TSPAN5: variants seen among roughly 807,000 people sequenced by gnomAD.
TSPAN5 encodes tetraspanin-5.
A neutral mutation model predicts 37.1 loss-of-function variants in TSPAN5; 10 were observed. That is an observed-to-expected ratio of 0.27 (90% CI 0.17 to 0.46). TSPAN5 has a LOEUF of 0.46. Among genes scored for constraint, TSPAN5 ranks in the 20% least tolerant of loss-of-function variants. The pLI is 1.00. For synonymous variants in TSPAN5, 110 were observed against 118.9 expected (o/e 0.93, Z 0.48); for missense variants, 195 against 326.6 (o/e 0.60, Z 3.11).
At chr4:98,504,202 A>C (rs10023791) in intron 2 of TSPAN5, among the ~76,000 whole-genome samples, 1 of 151,948 alleles carries the variant, frequency 6.6e-6, no homozygotes, top group Admixed American at 6.5e-5. Context: ...GCTATGATCC[A>C]GTTTGGGGAT....
intron 1 of TSPAN5, among the ~76,000 whole-genome samples, chr4:98,584,761 C>T (rs576911914): frequency 1.3e-5 from 2 of 152,244 alleles, no homozygotes; most frequent in East Asian, 3.9e-4. Flanking sequence ...AGGCCTATCG[C>T]CACTGCAAAG....
intron 1 of TSPAN5, among the ~76,000 whole-genome samples, chr4:98,631,357 A>G (rs1756743146): frequency 6.6e-6 from 1 of 151,880 alleles, no homozygotes; most frequent in African/African-American, 2.4e-5. Context: ...CATCAAGTTC[A>G]CCCCAATATC....
chr4:98,512,085 C>T (rs1383040490), intron 1 of TSPAN5, among the ~76,000 whole-genome samples: 1 of 150,106 alleles, frequency 6.7e-6, no homozygotes, highest in Non-Finnish European at 1.5e-5. Flanking sequence ...TGGTGGTGCA[C>T]ACCTGTAGTC....
At chr4:98,647,168 C>G (rs557868862) in intron 1 of TSPAN5, among the ~76,000 whole-genome samples, 1 of 152,252 alleles carries the variant, frequency 6.6e-6, no homozygotes, top group East Asian at 1.9e-4. Flanking sequence ...TCACTCTGAA[C>G]CAGACGAAGA....
At chr4:98,598,581 C>A (rs1755810656) in intron 1 of TSPAN5, among the ~76,000 whole-genome samples, 1 of 152,140 alleles carries the variant, frequency 6.6e-6, no homozygotes, top group Admixed American at 6.5e-5. Context: ...TCTCCCACCT[C>A]AGCCTCCCAA....
intron 1 of TSPAN5, among the ~76,000 whole-genome samples, chr4:98,592,752 AC>A (rs1206431521): frequency 6.6e-6 from 1 of 150,736 alleles, no homozygotes; most frequent in African/African-American, 2.4e-5. Flanking sequence ...CCATGTCCCT[AC>A]AAAGGATATG....
intron 1 of TSPAN5, among the ~76,000 whole-genome samples, chr4:98,652,153 C>T (rs12507322): frequency 3.0e-4 from 45 of 152,268 alleles, no homozygotes; most frequent in Admixed American, 7.2e-4. Flanking sequence ...AGCCCCCAAG[C>T]CTGGCCCAAA....
At chr4:98,487,121 G>T (rs554568479) in intron 2 of TSPAN5, among the ~76,000 whole-genome samples, 1 of 149,080 alleles carries the variant, frequency 6.7e-6, no homozygotes, top group African/African-American at 2.5e-5. Flanking sequence ...GAAACAAAAG[G>T]GAGGAAGGGA....
At chr4:98,539,589 T>C (rs1754314941) in intron 1 of TSPAN5, among the ~76,000 whole-genome samples, 1 of 152,158 alleles carries the variant, frequency 6.6e-6, no homozygotes. Context: ...TTCCTGGTGA[T>C]CTTTTGTATC....
intron 1 of TSPAN5, among the ~76,000 whole-genome samples, chr4:98,581,523 G>A (rs369995416): frequency 7.2e-5 from 11 of 152,160 alleles, no homozygotes; most frequent in African/African-American, 2.2e-4. Context: ...CAATCTTGAC[G>A]GCTAATCCCT....
chr4:98,472,344 T>C lies in TSPAN5; in HGVS notation c.*178A>G, dbSNP rs975891419. 1 of 482,124 alleles carries C rather than the reference T, an allele frequency of 2.1e-6. No individual in the cohort carries two copies. The highest frequency in any genetic ancestry group is 3.6e-6 in the Non-Finnish European group (1 of 275,418). 29.9% of individuals were successfully genotyped at this position (482,124 alleles called of 1,614,324 possible). A position where few individuals can be genotyped will look rare whatever the true frequency, so the allele number is the denominator to read the frequency against. On this transcript the variant is annotated 3_prime_UTR_variant, in exon 8 of 8. Transcript: ENST00000305798. ...CTTTCATACTGGTTATTTTTTTTTT[T>C]AATTCTGTCAGTGAGCAGCATTTCC...
At chr4:98,567,697 A>G (rs1307181973) in intron 1 of TSPAN5, among the ~76,000 whole-genome samples, 1 of 152,216 alleles carries the variant, frequency 6.6e-6, no homozygotes, top group Non-Finnish European at 1.5e-5. Flanking sequence ...GGCTAGACAC[A>G]AAAGGAGAGA....
intron 1 of TSPAN5, among the ~76,000 whole-genome samples, chr4:98,608,671 A>AG (rs1056319707): frequency 2.0e-5 from 3 of 152,206 alleles, no homozygotes; most frequent in African/African-American, 7.2e-5. Flanking sequence ...AGAAAAAAAA[A>AG]GAAAATCCAC....
At chr4:98,512,883 AAGAG>A (rs1012617960) in intron 1 of TSPAN5, among the ~76,000 whole-genome samples, 3 of 151,814 alleles carry the variant, frequency 2.0e-5, no homozygotes, top group Admixed American at 6.6e-5. Flanking sequence ...ACAGTCCAGT[AAGAG>A]AGAGAGAGAG....
At position 98,546,587 on chromosome 4, in the gene TSPAN5, T is replaced by C. The variant is rs1006164186; in HGVS notation, c.82-38859A>G. Reference sequence around the variant, plus strand: ...ATATCCCAGTTCATGACATGAAATATACTTTCCTATAAATCATAAAGTTTT... The same window carrying C: ...ATATCCCAGTTCATGACATGAAATACACTTTCCTATAAATCATAAAGTTTT... On this transcript the variant is annotated intron_variant, in intron 1 of 7. Transcript: ENST00000305798. Among the ~76,000 whole-genome samples the C allele has an allele frequency of 7.9e-5, 12 of 152,350 alleles. No individual in the cohort carries two copies. The East Asian group carries it at 1.5e-3, about 20-fold the overall frequency.
At chr4:98,579,530 C>T (rs1259360457) in intron 1 of TSPAN5, among the ~76,000 whole-genome samples, 1 of 152,108 alleles carries the variant, frequency 6.6e-6, no homozygotes, top group African/African-American at 2.4e-5. Flanking sequence ...CAGGGCTCTG[C>T]TTTCTATTAA....
chr4:98,636,690 GA>G (rs1488765475), intron 1 of TSPAN5, among the ~76,000 whole-genome samples: 1 of 152,094 alleles, frequency 6.6e-6, no homozygotes, highest in East Asian at 1.9e-4. Context: ...AAAACTGCTG[GA>G]AAAAAATGCG....
Position 98,624,829 on chromosome 4 carries a change from T to G in TSPAN5, c.81+33317A>C, listed in dbSNP as rs112928762. Among the ~76,000 whole-genome samples, 310 of 152,266 alleles carry G rather than the reference T, an allele frequency of 2.0e-3. 1 individual carries two copies. Among genetic ancestry groups the G allele is most frequent in the African/African-American group, 6.9e-3 (287 of 41,552 alleles). On this transcript the variant is annotated intron_variant, in intron 1 of 7. Transcript: ENST00000305798. The stretch of plus-strand genomic sequence containing the variant: ...TTCTCTTTGATAGAGGGAAAGAAAG[T>G]CAATGTTACATAAGTGATGGCAGCC...
At chr4:98,510,095 A>C (rs546321154) in intron 1 of TSPAN5, among the ~76,000 whole-genome samples, 54 of 152,282 alleles carry the variant, frequency 3.5e-4, no homozygotes, top group Admixed American at 1.2e-3. Flanking sequence ...CATCATGCTT[A>C]GTGCTTTGTG....
Sources: allele counts gnomAD v4.1 joint callset (sites outside exome capture counted in the v4.1 genomes callset), GRCh38; gene constraint gnomAD v4.1.1; transcripts MANE v1.5; gene names NCBI Gene and HGNC (gene_info 2026-07-23, HGNC 2026-07-21).